Variants in GRK5 observed in about 807,000 individuals in gnomAD.
GRK5 encodes G protein-coupled receptor kinase 5.
In GRK5, 40 loss-of-function variants were observed where a neutral mutation model predicts 78.4. The ratio of observed to expected loss-of-function variants is 0.51; its 90% confidence interval spans 0.40 to 0.66. The LOEUF (loss-of-function observed/expected upper bound fraction) is 0.66, where lower values mean the gene tolerates loss of function less well. Among genes scored for constraint, GRK5 ranks in the 30% least tolerant of loss-of-function variants. The pLI is 0.00. For missense variants in GRK5, 598 were observed against 759.9 expected (o/e 0.79, Z 2.50); for synonymous variants, 289 against 296.8 (o/e 0.97, Z 0.27).
chr10:119,239,421 G>A (rs1208875014), intron 1 of GRK5, among the ~76,000 whole-genome samples: 5 of 152,048 alleles, frequency 3.3e-5, no homozygotes, highest in African/African-American at 4.8e-5. Flanking sequence ...ATTTTTAGTA[G>A]AGATGGGGTT....
intron 2 of GRK5, among the ~76,000 whole-genome samples, chr10:119,341,661 G>A (rs1375926965): frequency 1.3e-5 from 2 of 152,086 alleles, no homozygotes; most frequent in African/African-American, 2.4e-5. Flanking sequence ...CTCTGTGAGA[G>A]TAGAGCCTGG....
intron 1 of GRK5, among the ~76,000 whole-genome samples, chr10:119,216,499 G>A (rs973459510): frequency 2.0e-5 from 3 of 152,146 alleles, no homozygotes; most frequent in Non-Finnish European, 2.9e-5. Flanking sequence ...AACGGATGGG[G>A]AAACTGAGAT....
rs148360867 is a variant in GRK5, at chr10:119,440,752, T to C, written c.967+984T>C. Among the ~76,000 whole-genome samples, 442 of 152,238 alleles carry C rather than the reference T, an allele frequency of 2.9e-3. 3 individuals carry two copies. Among genetic ancestry groups the C allele is most frequent in the African/African-American group, 0.01 (423 of 41,544 alleles). On this transcript the variant is annotated intron_variant, in intron 10 of 15. Transcript: ENST00000392870. ...CTTTGGTAGAAATGGGGTTTTGCCA[T>C]GTTGACCAGGCTGGTCTCAGACTCC...
rs938912724 is a variant in GRK5, at chr10:119,253,815, T to C, written c.52+45846T>C. 6.6e-6 allele frequency among the ~76,000 whole-genome samples: 1 copy of C among 151,618 alleles called. No homozygotes were observed. Among genetic ancestry groups the C allele is most frequent in the Admixed American group, 6.6e-5 (1 of 15,218 alleles). ...GGGTGGGGGGCTGGAGGTTGTTTAGTGTTTGGGTTCCTGGTGGTTCTTTGC... is the reference window on the plus strand; with the variant it reads ...GGGTGGGGGGCTGGAGGTTGTTTAGCGTTTGGGTTCCTGGTGGTTCTTTGC... On this transcript the variant is annotated intron_variant, in intron 1 of 15. Coordinates refer to ENST00000392870, the MANE Select transcript of GRK5 (RefSeq NM_005308.3). The surrounding 1 kb of genome is among the most constrained non-coding windows in gnomAD (Gnocchi z 5.7).
At chr10:119,442,143 G>T in intron 11 of GRK5, 55 bp downstream of exon 11, 3 of 1,427,306 alleles carry the variant, frequency 2.1e-6, no homozygotes, top group Non-Finnish European at 2.0e-6. Context: ...CCTGCTCACC[G>T]CCGGCCGAGC....
At chr10:119,209,489 T>TG (rs1420191631) in intron 1 of GRK5, among the ~76,000 whole-genome samples, 1 of 23,604 alleles carries the variant, frequency 4.2e-5, no homozygotes. Flanking sequence ...TGTGTGTGGT[T>TG]TTTTTTTTTT....
intron 13 of GRK5, among the ~76,000 whole-genome samples, chr10:119,450,677 G>A (rs146087961): frequency 3.4e-4 from 52 of 152,248 alleles, no homozygotes; most frequent in African/African-American, 1.2e-3. Flanking sequence ...GGGACAGTTG[G>A]TCACCCTGGG....
At chr10:119,366,626 G>A (rs1851455163) in intron 2 of GRK5, among the ~76,000 whole-genome samples, 1 of 152,194 alleles carries the variant, frequency 6.6e-6, no homozygotes, top group Non-Finnish European at 1.5e-5. Flanking sequence ...CAGCCCCAAA[G>A]CTGCCACAGC....
intron 1 of GRK5, among the ~76,000 whole-genome samples, chr10:119,237,869 C>A (rs1183557116): frequency 1.3e-5 from 2 of 152,010 alleles, no homozygotes; most frequent in African/African-American, 4.8e-5. Flanking sequence ...CATGTTCTTA[C>A]AGGAAAGACT....
rs147692323 is a variant in GRK5 at position 119,435,054 on chromosome 10, C to T, written c.739-1597C>T. 1.1e-3 allele frequency among the ~76,000 whole-genome samples: 173 copies of T among 152,320 alleles called. 1 individual carries two copies. Among genetic ancestry groups the T allele is most frequent in the African/African-American group, 3.9e-3 (162 of 41,576 alleles). ...GCACTGCATTGGCCCCTTTCAGCCACGGATGGAGCAGCTGGGACTCAGGGC... is the reference window on the plus strand; with the variant it reads ...GCACTGCATTGGCCCCTTTCAGCCATGGATGGAGCAGCTGGGACTCAGGGC... On this transcript the variant is annotated intron_variant, in intron 8 of 15. Coordinates refer to ENST00000392870, the MANE Select transcript of GRK5 (RefSeq NM_005308.3).
Position 119,396,555 on chromosome 10 carries a change from C to T in GRK5, c.262-140C>T, listed in dbSNP as rs956498498. Reference sequence around the variant, plus strand: ...TCGGGGCTCCGTGGCCAGGTCTTCCCCCCCGGTTTCCTGACCTGCAGGAGA... The same window carrying T: ...TCGGGGCTCCGTGGCCAGGTCTTCCTCCCCGGTTTCCTGACCTGCAGGAGA... On this transcript the variant is annotated intron_variant, in intron 3 of 15. Transcript: ENST00000392870. The T allele has an allele frequency of 1.1e-4, 72 of 679,374 alleles. No homozygotes were observed. In the African/African-American group the frequency reaches 1.1e-3, roughly 11 times the overall value. 42.1% of individuals were successfully genotyped at this position (679,374 alleles called of 1,614,324 possible). A position where few individuals can be genotyped will look rare whatever the true frequency, so the allele number is the denominator to read the frequency against.
intron 2 of GRK5, among the ~76,000 whole-genome samples, chr10:119,335,175 T>TCTCTCCCC (rs1387026472): frequency 1.8e-5 from 2 of 113,174 alleles, no homozygotes; most frequent in African/African-American, 7.6e-5. Flanking sequence ...TCTCTCTCTC[T>TCTCTCCCC]CCCCCTCTCC....
intron 1 of GRK5, among the ~76,000 whole-genome samples, chr10:119,250,508 C>T (rs1413980355): frequency 7.2e-6 from 1 of 139,470 alleles, no homozygotes; most frequent in Non-Finnish European, 1.5e-5. Flanking sequence ...ATCCTACAGC[C>T]TCATTTAAAT....
chr10:119,242,965 G>T (rs984152932), intron 1 of GRK5, among the ~76,000 whole-genome samples: 1 of 152,108 alleles, frequency 6.6e-6, no homozygotes, highest in Non-Finnish European at 1.5e-5. Flanking sequence ...TAGGCCAGGC[G>T]CAGTGGCTCA....
intron 2 of GRK5, among the ~76,000 whole-genome samples, chr10:119,359,726 C>T (rs1376096828): frequency 6.6e-6 from 1 of 152,206 alleles, no homozygotes. Flanking sequence ...CTCTTTGGTT[C>T]ACACCCTGGA....
chr10:119,354,554 G>A (rs560005895), intron 2 of GRK5, among the ~76,000 whole-genome samples: 46 of 151,970 alleles, frequency 3.0e-4, no homozygotes, highest in African/African-American at 2.2e-4. Context: ...GGTGTACACC[G>A]CCATGCCTGG....
chr10:119,233,917 T>A (rs1291829739), intron 1 of GRK5, among the ~76,000 whole-genome samples: 1 of 152,202 alleles, frequency 6.6e-6, no homozygotes, highest in Non-Finnish European at 1.5e-5. Flanking sequence ...CCAGTCACCA[T>A]GGAAATGTGA....
chr10:119,319,059 T>C (rs1850539513), intron 1 of GRK5, among the ~76,000 whole-genome samples: 1 of 152,192 alleles, frequency 6.6e-6, no homozygotes, highest in South Asian at 2.1e-4. Context: ...CATCAGGCAC[T>C]CCTTTCCCTG....
chr10:119,293,254 T>C (rs1003278993), intron 1 of GRK5, among the ~76,000 whole-genome samples: 1 of 152,210 alleles, frequency 6.6e-6, no homozygotes, highest in Non-Finnish European at 1.5e-5. Context: ...ATGCCGTGGC[T>C]CACACCTGTG....
Sources: gnomAD v4.1 joint callset for allele counts (sites outside exome capture counted in the v4.1 genomes callset) on GRCh38, gnomAD v4.1.1 for gene constraint, Gnocchi (gnomAD v3.1) non-coding constraint, MANE v1.5 for transcripts, NCBI Gene and HGNC (gene_info 2026-07-23, HGNC 2026-07-21) for gene names.